ZNF787: variants seen among roughly 807,000 people sequenced by gnomAD.
The protein encoded by ZNF787 is TTF-I-interacting peptide 20.
ZNF787 carries 7 observed loss-of-function variants against 16.9 expected under a neutral mutation model. The observed-to-expected ratio is 0.42, with a 90% CI of 0.24 to 0.78. The LOEUF is 0.78. Ranked by LOEUF, ZNF787 falls within the 30% of genes least tolerant of loss-of-function variation. The probability of loss-of-function intolerance (pLI) is 0.30; values close to 1 mark genes in which losing one functional copy is unlikely to be tolerated. For missense variants in ZNF787, 551 were observed against 589.3 expected, an observed-to-expected ratio of 0.94 and a Z score of 0.67; for synonymous variants, 345 against 270.9, an observed-to-expected ratio of 1.27 and a Z score of -2.69.
rs947812932 is a variant in ZNF787 at position 56,087,867 on chromosome 19, C to A, written c.*156G>T. On this transcript the variant is annotated 3_prime_UTR_variant, in exon 3 of 3. Coordinates refer to ENST00000610935, the MANE Select transcript of ZNF787 (RefSeq NM_001002836.4). ...GGCCCTAATACGCCCCAGTGCCCCC[C>A]CACGGACGGCGCAGGGACAGAGGAG... is the stretch of plus-strand genomic sequence containing the variant. 8.3e-7 allele frequency: 1 copy of A among 1,199,290 alleles called. No homozygotes were observed. Among genetic ancestry groups the A allele is most frequent in the African/African-American group, 1.6e-5 (1 of 62,178 alleles). The allele number at this position is 1,199,290 out of a possible 1,614,324, so 74.3% of individuals were successfully genotyped here.
chr19:56,106,591 T>C (rs970110006), intron 1 of ZNF787, among the ~76,000 whole-genome samples: 2 of 152,226 alleles, frequency 1.3e-5, no homozygotes, highest in African/African-American at 4.8e-5. Context: ...CAGTTCCTGG[T>C]GTGACCTCAC....
intron 2 of ZNF787, among the ~76,000 whole-genome samples, chr19:56,092,053 CCT>C (rs1416882851): frequency 6.7e-6 from 1 of 148,484 alleles, no homozygotes; most frequent in East Asian, 1.9e-4. Context: ...GAAGCCTCAC[CCT>C]CACCCTCACC....
intron 1 of ZNF787, among the ~76,000 whole-genome samples, chr19:56,105,923 C>T (rs1419772054): frequency 3.4e-5 from 5 of 147,368 alleles, no homozygotes; most frequent in South Asian, 2.1e-4. Flanking sequence ...TTCCGCCCTC[C>T]GCGCCCACGG....
Position 56,088,159 on chromosome 19 carries a change from ATCT to A in ZNF787, c.1010_1012del (p.Lys337del). Reference sequence around the variant, plus strand: ...GACCGAGGGCGCGCCCACCGCGTGGATCTTCTTGTGTCTCCGGAGCGCGGCGCC... The same window carrying A: ...GACCGAGGGCGCGCCCACCGCGTGGATCTTGTGTCTCCGGAGCGCGGCGCC... On this transcript the variant is annotated inframe_deletion, in exon 3 of 3. Transcript: ENST00000610935. This position sits in a 1 kb window ranked among gnomAD's most constrained non-coding sequence, Gnocchi z 8.6. 2 of 1,554,684 alleles carry A rather than the reference ATCT, an allele frequency of 1.3e-6. No individual in the cohort carries two copies. The highest frequency in any genetic ancestry group is 1.7e-6 in the Non-Finnish European group (2 of 1,155,548).
In ZNF787 at chr19:56,088,628, G is replaced by A. The variant is rs1158159124; in HGVS notation, c.544C>T (p.Arg182Cys). The A allele has an allele frequency of 6.5e-7, 1 of 1,531,260 alleles. No homozygotes were observed. Among genetic ancestry groups the A allele is most frequent in the Non-Finnish European group, 8.7e-7 (1 of 1,147,030 alleles). 94.9% of individuals were successfully genotyped at this position (1,531,260 alleles called of 1,614,324 possible). Residue 182 changes from arginine (R) to cysteine (C), a missense_variant, in exon 3 of 3, where the codon CGC (arginine) becomes TGC (cysteine). Transcript: ENST00000610935. This position sits in a 1 kb window ranked among gnomAD's most constrained non-coding sequence, Gnocchi z 8.6. ...GGCTGGCTGAAGCCGCGGCCGCAGC[G>A]CGGGCACACGAAGGGCTTGAGGCCG... ...HSGLKPFVCP[R>C]CGRGFSQPKS...
intron 1 of ZNF787, among the ~76,000 whole-genome samples, chr19:56,113,670 A>G (rs537732051): frequency 2.4e-4 from 31 of 128,796 alleles, no homozygotes; most frequent in East Asian, 1.1e-3. Flanking sequence ...GCAGATCAGC[A>G]CTTCCCAGGA....
chr19:56,095,064 A>G (rs910321318), intron 2 of ZNF787, among the ~76,000 whole-genome samples: 2 of 152,212 alleles, frequency 1.3e-5, no homozygotes, highest in African/African-American at 4.8e-5. Flanking sequence ...CAGTGAGCCA[A>G]TATCGCACCA....
chr19:56,103,184 G>C lies in ZNF787; in HGVS notation c.34C>G (p.Pro12Ala). 2 of 1,578,246 alleles carry C rather than the reference G, an allele frequency of 1.3e-6. No homozygotes were observed. The highest frequency in any genetic ancestry group is 1.7e-6 in the Non-Finnish European group (2 of 1,161,646). Residue 12 changes from proline to alanine, a missense_variant, in exon 2 of 3, where the codon CCG becomes GCG. By Grantham distance (27) the Pro-to-Ala change is conservative. This residue lies in a region of ZNF787 where 80 missense variants were observed against 105.9 expected (regional missense o/e 0.76). Coordinates refer to ENST00000610935, the MANE Select transcript of ZNF787 (RefSeq NM_001002836.4). ...ATCTGCTGGTCCTCAGAATCCAGCG[G>C]CCCCGGAGACCAGGCTTCTTCCCGC... is the stretch of plus-strand genomic sequence containing the variant. ...ELREEAWSPG[P>A]LDSEDQQMAS...
At chr19:56,105,874 G>A (rs1041383328) in intron 1 of ZNF787, among the ~76,000 whole-genome samples, 6 of 151,152 alleles carry the variant, frequency 4.0e-5, no homozygotes, top group African/African-American at 1.5e-4. Flanking sequence ...GGCAGTCACC[G>A]CGCATTCCCC....
At chr19:56,119,781 G>A (rs1475666860) in intron 1 of ZNF787, among the ~76,000 whole-genome samples, 1 of 152,260 alleles carries the variant, frequency 6.6e-6, no homozygotes, top group Non-Finnish European at 1.5e-5. Context: ...CTCTGAGGCC[G>A]TGCGTGGCCG....
intron 2 of ZNF787, 27 bp downstream of exon 2, chr19:56,103,112 C>G (rs777507687): frequency 1.9e-6 from 3 of 1,611,492 alleles, no homozygotes; most frequent in African/African-American, 2.7e-5. Context: ...GCAGCGGGGT[C>G]GGCTGGGAAG....
intron 1 of ZNF787, among the ~76,000 whole-genome samples, chr19:56,113,007 T>C (rs1277855446): frequency 6.6e-6 from 1 of 150,674 alleles, no homozygotes; most frequent in Non-Finnish European, 1.5e-5. Context: ...GCTCCCACCC[T>C]GCCTCTTGGA....
chr19:56,095,041 G>C (rs752172691), intron 2 of ZNF787, among the ~76,000 whole-genome samples: 21 of 152,314 alleles, frequency 1.4e-4, no homozygotes, highest in Middle Eastern at 3.4e-3. Context: ...TTGAACCCGA[G>C]AGGTGGAGGT....
chr19:56,117,915 C>T (rs1217011883), intron 1 of ZNF787, among the ~76,000 whole-genome samples: 5 of 152,246 alleles, frequency 3.3e-5, no homozygotes, highest in African/African-American at 4.8e-5. Context: ...GGCCTCGAAA[C>T]AGGGGGGCCA....
At chr19:56,113,103 G>A (rs925191613) in intron 1 of ZNF787, among the ~76,000 whole-genome samples, 5 of 152,122 alleles carry the variant, frequency 3.3e-5, no homozygotes, top group Non-Finnish European at 7.4e-5. Context: ...CAAAGGATCC[G>A]AGAAAGCATT....
intron 1 of ZNF787, among the ~76,000 whole-genome samples, chr19:56,106,024 C>A (rs1250278791): frequency 7.2e-6 from 1 of 139,820 alleles, no homozygotes; most frequent in Non-Finnish European, 1.6e-5. Flanking sequence ...ATTCCGCATT[C>A]CCCCCTCCGC....
chr19:56,099,596 A>G (rs1986009698), intron 2 of ZNF787, among the ~76,000 whole-genome samples: 1 of 150,928 alleles, frequency 6.6e-6, no homozygotes, highest in South Asian at 2.1e-4. Flanking sequence ...CTGTAATCCC[A>G]GCTATTTGGG....
At chr19:56,115,853 G>C (rs1319400465) in intron 1 of ZNF787, among the ~76,000 whole-genome samples, 1 of 152,234 alleles carries the variant, frequency 6.6e-6, no homozygotes, top group East Asian at 1.9e-4. Context: ...GGTGCCTGCA[G>C]ATCTTCAGAT....
chr19:56,111,802 C>T (rs190887455), intron 1 of ZNF787, among the ~76,000 whole-genome samples: 1 of 152,286 alleles, frequency 6.6e-6, no homozygotes, highest in African/African-American at 2.4e-5. Context: ...GAGCAACGGG[C>T]AGCCGCGGTA....
Sources: allele counts gnomAD v4.1 joint callset (sites outside exome capture counted in the v4.1 genomes callset), GRCh38; gene constraint gnomAD v4.1.1; regional missense constraint gnomAD v4.1.1; non-coding constraint Gnocchi (gnomAD v3.1); transcripts MANE v1.5; gene names NCBI Gene and HGNC (gene_info 2026-07-23, HGNC 2026-07-21).